EPHB1: variants seen among roughly 807,000 people sequenced by gnomAD.
EPHB1 encodes EPH receptor B1.
A neutral mutation model predicts 94.4 loss-of-function variants in EPHB1; 30 were observed. The ratio of observed to expected loss-of-function variants is 0.32; its 90% CI spans 0.24 to 0.43. The LOEUF (loss-of-function observed/expected upper bound fraction) is 0.43, where lower values mean the gene tolerates loss of function less well. EPHB1 is among the 20% of genes least tolerant of loss of function. The pLI is 1.00. For missense variants in EPHB1, 1,055 were observed against 1,308.3 expected, an observed-to-expected ratio of 0.81 and a Z score of 2.99; for synonymous variants, 522 against 489.1, an observed-to-expected ratio of 1.07 and a Z score of -0.89.
intron 5 of EPHB1, among the ~76,000 whole-genome samples, chr3:135,145,803 A>G (rs1342111491): frequency 2.6e-5 from 4 of 151,796 alleles, no homozygotes; most frequent in Non-Finnish European, 4.4e-5. Context: ...AACCCTGCTG[A>G]CTCAACCCTG....
At chr3:135,018,108 G>T (rs139790642) in intron 3 of EPHB1, among the ~76,000 whole-genome samples, 3 of 152,022 alleles carry the variant, frequency 2.0e-5, no homozygotes, top group Admixed American at 6.5e-5. Flanking sequence ...AGTCTTTGAC[G>T]TAAAGGGGAA....
intron 2 of EPHB1, among the ~76,000 whole-genome samples, chr3:134,939,243 T>C (rs1221731644): frequency 6.6e-6 from 1 of 152,194 alleles, no homozygotes; most frequent in Non-Finnish European, 1.5e-5. Context: ...GTTCACAGTT[T>C]AGGGAATTCA....
chr3:134,915,862 A>G (rs1175956939), intron 1 of EPHB1, among the ~76,000 whole-genome samples: 1 of 152,200 alleles, frequency 6.6e-6, no homozygotes, highest in East Asian at 1.9e-4. Flanking sequence ...AGCAAGATTT[A>G]TTGCAAAGAG....
At chr3:135,222,929 T>C (rs1008855887) in intron 12 of EPHB1, among the ~76,000 whole-genome samples, 1 of 152,234 alleles carries the variant, frequency 6.6e-6, no homozygotes, top group Non-Finnish European at 1.5e-5. Context: ...CAAATGCATT[T>C]TCTCCCCATA....
At chr3:135,255,461 C>A (rs1253599634) in intron 15 of EPHB1, among the ~76,000 whole-genome samples, 1 of 142,784 alleles carries the variant, frequency 7.0e-6, no homozygotes, top group African/African-American at 2.6e-5. Context: ...TTTCTGCCTA[C>A]ATTTCGTTAT....
At chr3:135,124,184 G>A (rs746310821) in intron 4 of EPHB1, among the ~76,000 whole-genome samples, 5 of 151,608 alleles carry the variant, frequency 3.3e-5, no homozygotes, top group African/African-American at 9.8e-5. Context: ...TGCACATGCC[G>A]GTCCTTTGGG....
chr3:135,196,935 A>T (rs1942634559), intron 11 of EPHB1, among the ~76,000 whole-genome samples: 1 of 152,068 alleles, frequency 6.6e-6, no homozygotes, highest in Admixed American at 6.6e-5. Context: ...AATTCAAGGG[A>T]TTCAACCTGG....
At chr3:135,249,613 C>G in intron 15 of EPHB1, 122 bp downstream of exon 15, 1 of 1,155,854 alleles carries the variant, frequency 8.7e-7, no homozygotes, top group Non-Finnish European at 1.2e-6. Context: ...CTGTATAGAC[C>G]AGGCCTGGAT....
intron 4 of EPHB1, among the ~76,000 whole-genome samples, chr3:135,113,252 C>T (rs2107802274): frequency 6.6e-6 from 1 of 152,354 alleles, no homozygotes; most frequent in East Asian, 1.9e-4. Flanking sequence ...ATAACTGTCA[C>T]TGCCACATCA....
intron 4 of EPHB1, among the ~76,000 whole-genome samples, chr3:135,115,164 T>A (rs886470858): frequency 6.6e-6 from 1 of 152,164 alleles, no homozygotes; most frequent in African/African-American, 2.4e-5. Flanking sequence ...ATCCATGTAA[T>A]CTACTCCCTT....
chr3:135,194,666 A>G (rs886499179), intron 11 of EPHB1, among the ~76,000 whole-genome samples: 2 of 152,228 alleles, frequency 1.3e-5, no homozygotes, highest in African/African-American at 2.4e-5. Context: ...TACAACAGGA[A>G]CATGCTTTTT....
At chr3:134,897,629 C>T (rs2038113537) in intron 1 of EPHB1, among the ~76,000 whole-genome samples, 1 of 152,196 alleles carries the variant, frequency 6.6e-6, no homozygotes, top group Non-Finnish European at 1.5e-5. Context: ...AGTGGCCAGC[C>T]CCCGTCATTC....
At chr3:135,080,692 AAC>A (rs1938133852) in intron 3 of EPHB1, among the ~76,000 whole-genome samples, 1 of 152,074 alleles carries the variant, frequency 6.6e-6, no homozygotes, top group South Asian at 2.1e-4. Flanking sequence ...GAAGCTTCAA[AAC>A]ACACCTTCCC....
chr3:134,816,982 G>A (rs367745467), intron 1 of EPHB1, among the ~76,000 whole-genome samples: 9 of 152,040 alleles, frequency 5.9e-5, no homozygotes, highest in Admixed American at 1.3e-4. Flanking sequence ...CTTCTCTGCC[G>A]TCTCCAGGAC....
intron 3 of EPHB1, among the ~76,000 whole-genome samples, chr3:134,964,781 T>C (rs1933665249): frequency 6.6e-6 from 1 of 152,222 alleles, no homozygotes; most frequent in African/African-American, 2.4e-5. Flanking sequence ...ATTTATTCCG[T>C]TCTCTTGTCT....
chr3:134,965,488 C>T (rs1933703402), intron 3 of EPHB1, among the ~76,000 whole-genome samples: 1 of 152,102 alleles, frequency 6.6e-6, no homozygotes, highest in African/African-American at 2.4e-5. Flanking sequence ...CTGCTTCAGC[C>T]CCGGAGTTCG....
At chr3:134,867,467 G>T (rs551648290) in intron 1 of EPHB1, among the ~76,000 whole-genome samples, 1 of 152,270 alleles carries the variant, frequency 6.6e-6, no homozygotes, top group East Asian at 1.9e-4. Flanking sequence ...GCTGGGCAGG[G>T]GCCAAGTAGG....
intron 3 of EPHB1, among the ~76,000 whole-genome samples, chr3:135,089,268 A>G (rs917656825): frequency 1.3e-5 from 2 of 152,348 alleles, no homozygotes; most frequent in Middle Eastern, 3.4e-3. Context: ...CAGCAGTGGG[A>G]CTTTGAACAA....
chr3:134,947,300 C>T (rs1180997932), intron 2 of EPHB1, among the ~76,000 whole-genome samples: 3 of 152,078 alleles, frequency 2.0e-5, no homozygotes, highest in African/African-American at 7.2e-5. Context: ...CTCGATTAAC[C>T]AACATCTCCT....
Sources: gnomAD v4.1 joint callset for allele counts (sites outside exome capture counted in the v4.1 genomes callset) on GRCh38, gnomAD v4.1.1 for gene constraint, MANE v1.5 for transcripts, NCBI Gene and HGNC (gene_info 2026-07-23, HGNC 2026-07-21) for gene names.